The following RYR2 variants were observed in gnomAD, a reference collection of about 807,000 sequenced individuals.
RYR2 encodes the protein cardiac muscle ryanodine receptor-calcium release channel.
Under a neutral mutation model 601.1 loss-of-function variants are expected in RYR2, and 227 were observed. The observed-to-expected ratio is 0.38, with a 90% CI of 0.34 to 0.42. The LOEUF is 0.42. Among genes scored for constraint, RYR2 ranks in the 10% least tolerant of loss-of-function variants. The pLI is 1.00. For synonymous variants in RYR2, 2,223 were observed against 2,175.1 expected (o/e 1.02, Z -0.61); for missense variants, 4,646 against 6,156.5 (o/e 0.75, Z 8.21).
At chr1:237,226,222 A>C (rs1381515014) in intron 1 of RYR2, among the ~76,000 whole-genome samples, 6 of 152,172 alleles carry the variant, frequency 3.9e-5, no homozygotes, top group Non-Finnish European at 5.9e-5. Context: ...TTAGAAATAT[A>C]GTTGGATTCC....
At chr1:237,095,282 G>A (rs142167974) in intron 1 of RYR2, among the ~76,000 whole-genome samples, 11 of 152,218 alleles carry the variant, frequency 7.2e-5, no homozygotes, top group Admixed American at 2.6e-4. Context: ...GTTGGGTACC[G>A]TACATTTCTA....
intron 3 of RYR2, among the ~76,000 whole-genome samples, chr1:237,348,096 A>C (rs1488943718): frequency 2.0e-5 from 3 of 152,142 alleles, no homozygotes; most frequent in African/African-American, 7.2e-5. Context: ...GAAAAAGAGA[A>C]ATAAGGCTTA....
chr1:237,718,423 A>C, intron 72 of RYR2, 39 bp from the exon 73 acceptor site: 1 of 1,094,502 alleles, frequency 9.1e-7, no homozygotes, highest in Non-Finnish European at 1.4e-6. Context: ...AGTTGATGCA[A>C]TAGAAGACTC....
intron 88 of RYR2, among the ~76,000 whole-genome samples, chr1:237,781,171 C>T (rs1481342831): frequency 6.6e-6 from 1 of 152,130 alleles, no homozygotes; most frequent in Non-Finnish European, 1.5e-5. Context: ...GCCTCAGCCT[C>T]CTGAGTAGCT....
At chr1:237,519,625 C>T (rs1298248903) in intron 24 of RYR2, among the ~76,000 whole-genome samples, 4 of 152,102 alleles carry the variant, frequency 2.6e-5, no homozygotes, top group African/African-American at 9.7e-5. Flanking sequence ...GTTCTCTATT[C>T]TGTTCCATTG....
chr1:237,395,756 C>A (rs896050234), intron 10 of RYR2, among the ~76,000 whole-genome samples: 4 of 152,008 alleles, frequency 2.6e-5, no homozygotes, highest in African/African-American at 9.7e-5. Flanking sequence ...CCGTGTTAGC[C>A]AGGATGGTCT....
At chr1:237,173,231 C>CA (rs141503158) in intron 1 of RYR2, among the ~76,000 whole-genome samples, 1 of 150,794 alleles carries the variant, frequency 6.6e-6, no homozygotes, top group Non-Finnish European at 1.5e-5. Context: ...GCTCTGAAAA[C>CA]AAAAAAGGAA....
At chr1:237,581,416 C>T (rs372162905) in intron 29 of RYR2, among the ~76,000 whole-genome samples, 23 of 151,934 alleles carry the variant, frequency 1.5e-4, no homozygotes, top group African/African-American at 4.1e-4. Flanking sequence ...TTCCTTTCCT[C>T]GGGAGAAAAC....
At chr1:237,674,298 A>C in intron 59 of RYR2, 79 bp downstream of exon 59, 1 of 1,136,034 alleles carries the variant, frequency 8.8e-7, no homozygotes. Context: ...TTTAAAGCTG[A>C]AAATGAATTC....
intron 104 of RYR2, 85 bp from the exon 105 acceptor site, chr1:237,832,467 T>C (rs1663915700): frequency 2.5e-6 from 2 of 796,082 alleles, no homozygotes; most frequent in African/African-American, 3.4e-5. Context: ...CCGTGCGATA[T>C]AGGTAACAGA....
At chr1:237,380,369 TA>T (rs1372370836) in intron 8 of RYR2, among the ~76,000 whole-genome samples, 2 of 6,668 alleles carry the variant, frequency 3.0e-4, no homozygotes, top group African/African-American at 1.6e-3. Flanking sequence ...AATATATATA[TA>T]TATATATATA....
Position 237,217,638 on chromosome 1 carries a change from G to A in RYR2, c.49-52859G>A, listed in dbSNP as rs545994065. 6.9e-4 allele frequency among the ~76,000 whole-genome samples: 105 copies of A among 152,246 alleles called. 2 individuals carry two copies. Among genetic ancestry groups the A allele is most frequent in the South Asian group, 2.1e-4 (1 of 4,814 alleles). ...TGGTAAGAACTCAGTACATGTCAGC[G>A]GTGGTGGTGATAATACGTGTATGAG... On this transcript the variant is annotated intron_variant, in intron 1 of 104. Transcript: ENST00000366574.
rs1700062942 is a variant in RYR2, at chr1:237,364,775, T to G, written c.309+403T>G. On this transcript the variant is annotated intron_variant, in intron 5 of 104. Coordinates refer to ENST00000366574, the MANE Select transcript of RYR2 (RefSeq NM_001035.3). The stretch of plus-strand genomic sequence containing the variant: ...AATTTTAGTAGCTCTCCATTTAGAA[T>G]ATTCACTCTGGGGATTATGTTGACT... Among the ~76,000 whole-genome samples the G allele has an allele frequency of 3.3e-5, 5 of 152,296 alleles. 1 individual carries two copies. In the South Asian group the frequency reaches 1.0e-3, roughly 32 times the overall value.
At chr1:237,665,845 T>G (rs1438337032) in intron 56 of RYR2, among the ~76,000 whole-genome samples, 2 of 152,210 alleles carry the variant, frequency 1.3e-5, no homozygotes, top group Non-Finnish European at 2.9e-5. Flanking sequence ...ATGGAAAATA[T>G]CAAGATATAG....
Position 237,674,179 on chromosome 1 carries a change from A to C in RYR2, c.8674A>C (p.Ile2892Leu), listed in dbSNP as rs1440625211. The C allele has an allele frequency of 6.2e-7, 1 of 1,612,610 alleles. No individual in the cohort carries two copies. The highest frequency in any genetic ancestry group is 8.5e-7 in the Non-Finnish European group (1 of 1,178,740). The stretch of plus-strand genomic sequence containing the variant: ...CAAGGATAGAGAAAAAGCACAGGAC[A>C]TCCTCAAGTTCTTGCAGATCAATGG... Reference protein sequence around the residue: ...KAKDREKAQDILKFLQINGYA... With the variant: ...KAKDREKAQDLLKFLQINGYA... The change falls in exon 59 of 105, where the codon ATC (isoleucine) becomes CTC (leucine). Residue 2892 changes from isoleucine to leucine, a missense_variant. Coordinates refer to ENST00000366574, the MANE Select transcript of RYR2 (RefSeq NM_001035.3).
At chr1:237,831,597 A>C in intron 104 of RYR2, 32 bp downstream of exon 104, 1 of 1,270,254 alleles carries the variant, frequency 7.9e-7, no homozygotes. Flanking sequence ...ATCTTCTGAA[A>C]GAAATGATAG....
chr1:237,282,902 C>T (rs907183435), intron 2 of RYR2, among the ~76,000 whole-genome samples: 60 of 152,182 alleles, frequency 3.9e-4, no homozygotes, highest in Admixed American at 2.9e-3. Context: ...AGTCAGGTTT[C>T]AAATGCCATG....
At chr1:237,333,551 A>G (rs1192564250) in intron 3 of RYR2, 1 of 454,900 alleles carries the variant, frequency 2.2e-6, no homozygotes, top group African/African-American at 2.0e-5. Context: ...TTGCGGCAGC[A>G]ACTGTTTACC....
At chr1:237,721,992 G>A (rs1223170936) in intron 73 of RYR2, among the ~76,000 whole-genome samples, 1 of 152,170 alleles carries the variant, frequency 6.6e-6, no homozygotes, top group Admixed American at 6.5e-5. Flanking sequence ...CTATTGAAAA[G>A]TAAAATGTGT....
Sources: allele counts gnomAD v4.1 joint callset (sites outside exome capture counted in the v4.1 genomes callset), GRCh38; gene constraint gnomAD v4.1.1; transcripts MANE v1.5; gene names NCBI Gene and HGNC (gene_info 2026-07-23, HGNC 2026-07-21).